Variants in VEPH1 observed in about 807,000 individuals in gnomAD.
The protein encoded by VEPH1 is ventricular zone expressed PH domain containing 1, also known as ventricular zone-expressed PH domain-containing protein homolog 1.
A neutral mutation model predicts 85.2 loss-of-function variants in VEPH1; 80 were observed. The ratio of observed to expected loss-of-function variants is 0.94; its 90% CI spans 0.78 to 1.13. VEPH1 has a LOEUF of 1.13. Among genes scored for constraint, VEPH1 ranks in the 50% most tolerant of loss-of-function variants. The probability of loss-of-function intolerance (pLI) is 0.00; values close to 1 mark genes in which losing one functional copy is unlikely to be tolerated. For missense variants in VEPH1, 955 were observed against 980.5 expected (o/e 0.97, Z 0.35); for synonymous variants, 297 against 348.0 (o/e 0.85, Z 1.63).
intron 11 of VEPH1, among the ~76,000 whole-genome samples, chr3:157,289,570 A>G (rs1303531226): frequency 6.6e-6 from 1 of 152,234 alleles, no homozygotes; most frequent in Non-Finnish European, 1.5e-5. Flanking sequence ...TCACAAAACA[A>G]GCAAACACAA....
chr3:157,382,671 A>G (rs1484534399), intron 6 of VEPH1, among the ~76,000 whole-genome samples: 8 of 152,162 alleles, frequency 5.3e-5, no homozygotes, highest in Admixed American at 1.3e-4. Context: ...TGGTGCACAG[A>G]TCTAGATTAC....
chr3:157,421,357 G>A (rs367899832), intron 5 of VEPH1, among the ~76,000 whole-genome samples: 27 of 152,172 alleles, frequency 1.8e-4, no homozygotes, highest in Non-Finnish European at 2.8e-4. Flanking sequence ...AAGCATCCCC[G>A]CACATTGCCC....
At chr3:157,270,193 C>T (rs1714357156) in intron 12 of VEPH1, among the ~76,000 whole-genome samples, 1 of 151,904 alleles carries the variant, frequency 6.6e-6, no homozygotes, top group Non-Finnish European at 1.5e-5. Context: ...ATCGCTTGAG[C>T]CTCAGAGGTC....
Position 157,365,038 on chromosome 3 carries a change from G to A in VEPH1, c.1128-526C>T, listed in dbSNP as rs182019022. 9.9e-5 allele frequency among the ~76,000 whole-genome samples: 15 copies of A among 152,274 alleles called. No homozygotes were observed. The East Asian group carries it at 2.3e-3, about 23-fold the overall frequency. On this transcript the variant is annotated intron_variant, in intron 7 of 13. Coordinates refer to ENST00000362010, the MANE Select transcript of VEPH1 (RefSeq NM_001167912.2). ...TGGAAGAAAGAGGTTTTCTGTGAAC[G>A]ATATTAATATAGACCCAAATATCTT...
intron 7 of VEPH1, among the ~76,000 whole-genome samples, chr3:157,371,465 C>T (rs1727478178): frequency 6.6e-6 from 1 of 152,148 alleles, no homozygotes; most frequent in South Asian, 2.1e-4. Context: ...GTGCAAAGCC[C>T]CTGCTTTTCC....
intron 4 of VEPH1, among the ~76,000 whole-genome samples, chr3:157,439,971 C>T (rs1349087609): frequency 6.6e-6 from 1 of 152,106 alleles, no homozygotes; most frequent in Non-Finnish European, 1.5e-5. Flanking sequence ...AGGATGGTCT[C>T]GATCTCCTGA....
chr3:157,471,861 G>A (rs535133379), intron 2 of VEPH1, among the ~76,000 whole-genome samples: 2 of 151,980 alleles, frequency 1.3e-5, no homozygotes, highest in East Asian at 3.9e-4. Context: ...AAGATTTTAG[G>A]TAATTAAATT....
intron 4 of VEPH1, among the ~76,000 whole-genome samples, chr3:157,446,630 C>T (rs1355303566): frequency 6.6e-6 from 1 of 152,038 alleles, no homozygotes; most frequent in African/African-American, 2.4e-5. Flanking sequence ...AAATCTCTTC[C>T]CTGAGTTTTA....
chr3:157,264,950 CA>C (rs1713427250), intron 13 of VEPH1, among the ~76,000 whole-genome samples: 1 of 152,056 alleles, frequency 6.6e-6, no homozygotes, highest in Non-Finnish European at 1.5e-5. Context: ...ATTCACAATA[CA>C]AATAATTACT....
At chr3:157,320,313 C>T (rs760891525) in intron 9 of VEPH1, among the ~76,000 whole-genome samples, 16 of 152,034 alleles carry the variant, frequency 1.1e-4, no homozygotes, top group Admixed American at 2.0e-4. Context: ...CTCATTCTGA[C>T]TGGGGAACAA....
chr3:157,318,150 A>G (rs188929419), intron 9 of VEPH1, among the ~76,000 whole-genome samples: 3 of 152,322 alleles, frequency 2.0e-5, no homozygotes, highest in South Asian at 2.1e-4. Context: ...AGCCTGCTCA[A>G]TCTGTGGCAG....
intron 1 of VEPH1, chr3:157,499,694 G>C (rs1473021195): frequency 6.6e-6 from 1 of 152,132 alleles, no homozygotes; most frequent in Non-Finnish European, 1.5e-5. Context: ...GTAAAGGAGA[G>C]TTGTTTTTAA....
At position 157,363,469 on chromosome 3, in the gene VEPH1, G is replaced by T. The variant is rs561429206; in HGVS notation, c.1630C>A (p.Gln544Lys). 2.5e-5 allele frequency: 40 copies of T among 1,613,890 alleles called. No homozygotes were observed. The South Asian group carries it at 4.2e-4, about 17-fold the overall frequency. The change falls in exon 9 of 14, where the codon CAA (glutamine) becomes AAA (lysine). Residue 544 changes from glutamine (Q) to lysine (K), a missense_variant. Transcript: ENST00000362010. ...TTTAAGTGCAAGTAGAGCTTATCTT[G>T]GTATTCTATAGGACTTGCAGTTGTC... ...PETTASPIEY[Q>K]DKLYLHLKKN...
At chr3:157,414,473 T>C (rs938337530) in intron 5 of VEPH1, among the ~76,000 whole-genome samples, 1 of 152,172 alleles carries the variant, frequency 6.6e-6, no homozygotes, top group Non-Finnish European at 1.5e-5. Context: ...GAGATCTTTG[T>C]TGACTTTAAT....
chr3:157,395,864 C>T (rs1205574939), intron 6 of VEPH1, among the ~76,000 whole-genome samples: 1 of 152,088 alleles, frequency 6.6e-6, no homozygotes, highest in Non-Finnish European at 1.5e-5. Flanking sequence ...TCCCTCTTCC[C>T]ACCCTCCCGC....
intron 7 of VEPH1, among the ~76,000 whole-genome samples, chr3:157,369,168 C>G (rs369823221): frequency 2.7e-5 from 1 of 37,092 alleles, no homozygotes; most frequent in Non-Finnish European, 5.0e-5. Context: ...ACAACAACAA[C>G]AAAAACCAAA....
chr3:157,332,560 T>G (rs1410376425), intron 9 of VEPH1, among the ~76,000 whole-genome samples: 1 of 152,236 alleles, frequency 6.6e-6, no homozygotes, highest in Non-Finnish European at 1.5e-5. Flanking sequence ...TGTTGTAGCA[T>G]GCATCAGTAT....
chr3:157,460,384 A>G (rs767189516), intron 3 of VEPH1, 29 bp from the exon 4 acceptor site: 3 of 1,592,386 alleles, frequency 1.9e-6, no homozygotes, highest in South Asian at 1.1e-5. Flanking sequence ...GCCACAAATA[A>G]TAAGTGACTC....
At chr3:157,499,286 C>A (rs1182478485) in intron 1 of VEPH1, 1 of 138,016 alleles carries the variant, frequency 7.2e-6, no homozygotes, top group Non-Finnish European at 1.5e-5. Flanking sequence ...TATTTGCTGG[C>A]GAATCAGCTT....
Sources: gnomAD v4.1 joint callset for allele counts (sites outside exome capture counted in the v4.1 genomes callset) on GRCh38, gnomAD v4.1.1 for gene constraint, MANE v1.5 for transcripts, NCBI Gene and HGNC (gene_info 2026-07-23, HGNC 2026-07-21) for gene names.